YWHAE: variants seen among roughly 807,000 people sequenced by gnomAD.
The protein encoded by YWHAE is 14-3-3 protein epsilon.
YWHAE carries 4 observed loss-of-function variants against 30.1 expected under a neutral mutation model. That is an observed-to-expected ratio of 0.13 (90% confidence interval 0.07 to 0.30). The LOEUF (loss-of-function observed/expected upper bound fraction) is 0.30, where lower values mean the gene tolerates loss of function less well. YWHAE is among the 10% of genes least tolerant of loss of function. YWHAE has a pLI of 1.00. For synonymous variants in YWHAE, 118 were observed against 111.8 expected (o/e 1.06, Z -0.35); for missense variants, 121 against 315.9 (o/e 0.38, Z 4.68).
chr17:1,393,543 C>G (rs528385438), intron 1 of YWHAE, among the ~76,000 whole-genome samples: 119 of 152,252 alleles, frequency 7.8e-4, no homozygotes, highest in Middle Eastern at 3.4e-3. Context: ...CGATTTCCCA[C>G]CTCAGCCTCC....
At chr17:1,353,538 A>G (rs1434406029) in intron 5 of YWHAE, among the ~76,000 whole-genome samples, 2 of 152,048 alleles carry the variant, frequency 1.3e-5, no homozygotes, top group African/African-American at 4.8e-5. Flanking sequence ...TGAGGCGGGC[A>G]GAACACCTGA....
In YWHAE at chr17:1,393,761, T is replaced by C. The variant is rs1415371558; in HGVS notation, c.64+6286A>G. 2.6e-5 allele frequency among the ~76,000 whole-genome samples: 4 copies of C among 152,286 alleles called. No homozygotes were observed. The East Asian group carries it at 5.8e-4, about 22-fold the overall frequency. ...GCTTTTCTTTTTTTGGTTGTTTTTT[T>C]CTTTTGCTTAAAGAGGTGACATCTG... On this transcript the variant is annotated intron_variant, in intron 1 of 5. Transcript: ENST00000264335.
At chr17:1,357,560 G>A (rs2072772434) in intron 4 of YWHAE, among the ~76,000 whole-genome samples, 1 of 151,508 alleles carries the variant, frequency 6.6e-6, no homozygotes, top group South Asian at 2.1e-4. Context: ...AGCCACAGCA[G>A]CAGAGTGAGA....
At chr17:1,370,172 G>C in intron 1 of YWHAE, among the ~76,000 whole-genome samples, 1 of 138,706 alleles carries the variant, frequency 7.2e-6, no homozygotes, top group African/African-American at 2.8e-5. Flanking sequence ...CTGTCACCAG[G>C]CTGGAGTGCC....
At chr17:1,348,394 CT>C (rs550429632) in intron 5 of YWHAE, among the ~76,000 whole-genome samples, 4 of 152,216 alleles carry the variant, frequency 2.6e-5, no homozygotes, top group Non-Finnish European at 4.4e-5. Flanking sequence ...GCAATGATCC[CT>C]CCCTTTAAAG....
chr17:1,391,172 T>C (rs1474421224), intron 1 of YWHAE, among the ~76,000 whole-genome samples: 1 of 152,248 alleles, frequency 6.6e-6, no homozygotes. Flanking sequence ...CAGCAAGCTC[T>C]ATTTTCAGCA....
Position 1,354,284 on chromosome 17 carries a change from A to G in YWHAE, c.642T>C (p.Tyr214=), listed in dbSNP as rs2072690087. 1.2e-6 allele frequency: 2 copies of G among 1,614,184 alleles called. No individual in the cohort carries two copies. Among genetic ancestry groups the G allele is most frequent in the Non-Finnish European group, 1.7e-6 (2 of 1,180,008 alleles). Residue 214 remains tyrosine (Y), a synonymous_variant, in exon 5 of 6, where the codon TAT becomes TAC. Coordinates refer to ENST00000264335, the MANE Select transcript of YWHAE (RefSeq NM_006761.5). The stretch of plus-strand genomic sequence containing the variant: ...ACTGCATGATAAGTGTAGAGTCCTT[A>G]TAGCTTTCTTCACTCAGCGTATCCA... ...AELDTLSEES[Y]KDSTLIMQLL...
At chr17:1,380,510 TTA>T (rs2073190709) in intron 1 of YWHAE, among the ~76,000 whole-genome samples, 1 of 152,108 alleles carries the variant, frequency 6.6e-6, no homozygotes, top group Admixed American at 6.6e-5. Flanking sequence ...CAGCCCTGAG[TTA>T]TGAGAGTTTA....
At chr17:1,372,728 A>T (rs1442110084) in intron 1 of YWHAE, among the ~76,000 whole-genome samples, 1 of 152,154 alleles carries the variant, frequency 6.6e-6, no homozygotes, top group Non-Finnish European at 1.5e-5. Flanking sequence ...CGAAGGCAGG[A>T]AGATCATGTG....
chr17:1,373,840 GGGTGTAC>G (rs1014175308), intron 1 of YWHAE, among the ~76,000 whole-genome samples: 15 of 152,122 alleles, frequency 9.9e-5, no homozygotes, highest in Admixed American at 1.3e-4. Context: ...CAATCAAACA[GGGTGTAC>G]CTACGAACAG....
chr17:1,379,163 CA>C (rs2073168708), intron 1 of YWHAE, among the ~76,000 whole-genome samples: 1 of 152,032 alleles, frequency 6.6e-6, no homozygotes, highest in South Asian at 2.1e-4. Context: ...AGTGTACTTC[CA>C]AATCACCTAA....
chr17:1,366,321 T>A (rs1182962928), intron 1 of YWHAE, among the ~76,000 whole-genome samples: 1 of 151,276 alleles, frequency 6.6e-6, no homozygotes, highest in Non-Finnish European at 1.5e-5. Flanking sequence ...GGGCAGATCA[T>A]TTGAGGTCAC....
At chr17:1,383,858 C>CAA (rs906261347) in intron 1 of YWHAE, among the ~76,000 whole-genome samples, 2 of 152,030 alleles carry the variant, frequency 1.3e-5, no homozygotes, top group African/African-American at 4.8e-5. Flanking sequence ...CCCAAGAGTT[C>CAA]AAGACCGGCC....
Position 1,361,136 on chromosome 17 carries a change from G to A in YWHAE, c.534C>T (p.Ser178=), listed in dbSNP as rs139215804. The A allele has an allele frequency of 1.9e-3, 3,072 of 1,614,036 alleles. 4 individuals are homozygous for A. The highest frequency in any genetic ancestry group is 2.8e-3 in the Middle Eastern group (17 of 6,062). The part of the protein sequence containing the change: ...PIRLGLALNF[S]VFYYEILNSP... ...AATTAAGAATTTCGTAGTAGAATAC[G>A]GAAAAATTGAGAGCAAGACCTAAGC... The change falls in exon 4 of 6, where the codon TCC becomes TCT. Residue 178 remains serine, a synonymous_variant. Transcript: ENST00000264335.
At chr17:1,362,030 T>A (rs576177163) in intron 2 of YWHAE, 22 bp from the exon 3 acceptor site, 24 of 1,364,986 alleles carry the variant, frequency 1.8e-5, no homozygotes, top group East Asian at 5.0e-5. Context: ...AAAATTTTTT[T>A]TAAATCAGAT....
intron 1 of YWHAE, among the ~76,000 whole-genome samples, chr17:1,383,682 C>G (rs2073252688): frequency 1.3e-5 from 2 of 152,044 alleles, no homozygotes; most frequent in African/African-American, 2.4e-5. Flanking sequence ...GCCACTGCAC[C>G]CGGCCCTTGT....
chr17:1,398,151 C>T (rs1451643446), intron 1 of YWHAE, among the ~76,000 whole-genome samples: 3 of 152,178 alleles, frequency 2.0e-5, no homozygotes, highest in African/African-American at 7.2e-5. Context: ...CCAATACCCA[C>T]AAAATAGAAA....
chr17:1,381,234 C>G (rs866711952), intron 1 of YWHAE, among the ~76,000 whole-genome samples: 1 of 152,094 alleles, frequency 6.6e-6, no homozygotes, highest in Non-Finnish European at 1.5e-5. Flanking sequence ...AAAAATTAGT[C>G]CGGGTGTGGT....
chr17:1,398,339 C>CA (rs1005996621), intron 1 of YWHAE, among the ~76,000 whole-genome samples: 6 of 92,598 alleles, frequency 6.5e-5, no homozygotes, highest in South Asian at 3.6e-4. Context: ...TCTTATCCCC[C>CA]CCCCCAACAG....
Sources: allele counts gnomAD v4.1 joint callset (sites outside exome capture counted in the v4.1 genomes callset), GRCh38; gene constraint gnomAD v4.1.1; transcripts MANE v1.5; gene names NCBI Gene and HGNC (gene_info 2026-07-23, HGNC 2026-07-21).